Variants in IGSF1 observed in about 807,000 individuals in gnomAD.
IGSF1 encodes immunoglobulin superfamily member 1, also known as immunoglobulin-like domain-containing protein 1.
IGSF1 carries 40 observed loss-of-function variants against 95.3 expected under a neutral mutation model. That is an observed-to-expected ratio of 0.42 (90% CI 0.33 to 0.55). IGSF1 has a LOEUF of 0.55. IGSF1 is among the 20% of genes least tolerant of loss of function. IGSF1 has a pLI of 0.10. For synonymous variants in IGSF1, 372 were observed against 382.9 expected (o/e 0.97, Z 0.33); for missense variants, 906 against 1,025.4 (o/e 0.88, Z 1.59).
At chrX:131,286,240 G>A (rs758593197) in intron 3 of IGSF1, among the ~76,000 whole-genome samples, 192 bp from the exon 4 acceptor site, 5 of 111,046 alleles carry the variant, frequency 4.5e-5, no homozygotes, top group Admixed American at 9.5e-5. Context: ...CAAATGAATT[G>A]GAGAATAAAG....
chrX:131,280,418 C>CG (rs1406293505), intron 9 of IGSF1, among the ~76,000 whole-genome samples: 1 of 111,033 alleles, frequency 9.0e-6, no homozygotes, highest in South Asian at 3.9e-4. Flanking sequence ...AGTTGCAGGG[C>CG]GGGGGGTACA....
chrX:131,279,451 G>T (rs2080525452), intron 9 of IGSF1, 110 bp from the exon 10 acceptor site: 1 of 599,780 alleles, frequency 1.7e-6, no homozygotes, highest in Non-Finnish European at 2.8e-6. Context: ...ATGGGGACTG[G>T]ATATGGCCAA....
Position 131,282,717 on chromosome X carries a change from GC to G in IGSF1, c.972del (p.Trp324CysfsTer16). On this transcript the variant is annotated frameshift_variant, in exon 7 of 20. Transcript: ENST00000361420. LOFTEE classifies it high-confidence loss of function. ...IWVTDTFPKT[W>X]LLARPSAVVQ... is the part of the protein sequence containing the mutation. ...ACCACAGCACTGGGCCGAGCAAGTA[GC>G]CAGGTCTTGGGGAAAGTGTCTAGGA... 8.3e-7 allele frequency: 1 copy of G among 1,206,762 alleles called. No homozygotes were observed.
At chrX:131,279,853 G>T (rs1463873319) in intron 9 of IGSF1, among the ~76,000 whole-genome samples, 1 of 111,820 alleles carries the variant, frequency 8.9e-6, no homozygotes, top group Non-Finnish European at 1.9e-5. Context: ...GGTTGCCTAG[G>T]CAGCTGTGAT....
At position 131,274,183 on chromosome X, in the gene IGSF1, C is replaced by A; in HGVS notation, c.3775G>T (p.Val1259Leu). Reference protein sequence around the residue: ...AAGPVAQECTVGNIVRSSLIV... With the variant: ...AAGPVAQECTLGNIVRSSLIV... ...AGGCTACTTCGGACAATGTTCCCTA[C>A]AGTGCACTCCTGAGCAACAGGCCCT... is the stretch of plus-strand genomic sequence containing the variant. The change falls in exon 19 of 20, where the codon GTA becomes TTA. Residue 1259 changes from valine to leucine, a missense_variant. By Grantham distance (32) the Val-to-Leu change is conservative. Transcript: ENST00000361420. 1 of 1,211,509 alleles carries A rather than the reference C, an allele frequency of 8.3e-7. No individual in the cohort carries two copies. The highest frequency in any genetic ancestry group is 1.1e-6 in the Non-Finnish European group (1 of 895,303).
At position 131,286,595 on chromosome X, in the gene IGSF1, T is replaced by C; in HGVS notation, c.70+10A>G. 2.5e-6 allele frequency: 3 copies of C among 1,204,224 alleles called. No homozygotes were observed. The highest frequency in any genetic ancestry group is 1.8e-5 in the South Asian group (1 of 55,794). ...GGGTCACTTGCCCCTCACCCCTTCC[T>C]TGTACTCACGAATGCAAAAGAGCAA... is the stretch of plus-strand genomic sequence containing the variant. On this transcript the variant is annotated intron_variant, in intron 2 of 19. Coordinates refer to ENST00000361420, the MANE Select transcript of IGSF1 (RefSeq NM_001555.5).
Position 131,281,695 on chromosome X carries a change from C to T in IGSF1, c.1496G>A (p.Ser499Asn), listed in dbSNP as rs1159295558. The T allele has an allele frequency of 4.6e-5, 56 of 1,209,182 alleles. No individual in the cohort carries two copies. The highest frequency in any genetic ancestry group is 6.1e-5 in the Non-Finnish European group (55 of 894,781). The part of the protein sequence containing the change: ...ETHPNIWSHR[S>N]EPLKLMGPAG... ...TGGCCCCATCAGCTTCAGGGGCTCA[C>T]TGCGATGTGACCAGATGTTAGGATG... Residue 499 changes from serine to asparagine, a missense_variant, in exon 8 of 20, where the codon AGT (serine) becomes AAT (asparagine). Physicochemically the swap from Ser to Asn is conservative, Grantham distance 46 (BLOSUM62 1). Coordinates refer to ENST00000361420, the MANE Select transcript of IGSF1 (RefSeq NM_001555.5).
At position 131,276,022 on chromosome X, in the gene IGSF1, A is replaced by G; in HGVS notation, c.2835T>C (p.Tyr945=). 2 of 1,209,806 alleles carry G rather than the reference A, an allele frequency of 1.7e-6. No individual in the cohort carries two copies. The highest frequency in any genetic ancestry group is 1.8e-5 in the South Asian group (1 of 56,750). The change falls in exon 15 of 20, where the codon TAT becomes TAC. Residue 945 remains tyrosine, a synonymous_variant. Coordinates refer to ENST00000361420, the MANE Select transcript of IGSF1 (RefSeq NM_001555.5). ...ACCCCCTGTTTGACATGGTTGTCTC[A>G]TAGTAGATACAGCTATAGTTCCCAG... is the stretch of plus-strand genomic sequence containing the variant. ...EDSGNYSCIY[Y]ETTMSNRGSY... is the part of the protein sequence containing the mutation.
Position 131,282,580 on chromosome X carries a change from G to C in IGSF1, c.1110C>G (p.Ser370Arg). 8.3e-7 allele frequency: 1 copy of C among 1,210,718 alleles called. No homozygotes were observed. The highest frequency in any genetic ancestry group is 1.8e-5 in the South Asian group (1 of 56,924). ...GGAAGAATGATGTGTTGTCATCGAT[G>C]CTGGTGGCATCCAAAAATTGAAGTG... Reference protein sequence around the residue: ...DKPLQFLDATSIDDNTSFFLN... With the variant: ...DKPLQFLDATRIDDNTSFFLN... The change falls in exon 7 of 20, where the codon AGC (serine) becomes AGG (arginine). Residue 370 changes from serine (S) to arginine (R), a missense_variant. Physicochemically the swap from Ser to Arg is moderately radical, Grantham distance 110 (BLOSUM62 -1). This residue lies in a region of IGSF1 where 442 missense variants were observed against 448.1 expected (regional missense o/e 0.99). Transcript: ENST00000361420.
At chrX:131,288,941 C>T (rs2080680485) in intron 1 of IGSF1, 1 of 234,091 alleles carries the variant, frequency 4.3e-6, no homozygotes, top group South Asian at 4.9e-5. Flanking sequence ...GGCGGGGTGC[C>T]GGGTACATGC....
chrX:131,279,231 C>A (rs376067122), intron 10 of IGSF1, 40 bp downstream of exon 10: 4 of 1,207,273 alleles, frequency 3.3e-6, no homozygotes, highest in East Asian at 3.0e-5. Context: ...GACTTCACCC[C>A]GGCCTTCTGC....
At chrX:131,283,549 G>A (rs2080592402) in intron 5 of IGSF1, among the ~76,000 whole-genome samples, 1 of 111,808 alleles carries the variant, frequency 8.9e-6, no homozygotes, top group Non-Finnish European at 1.9e-5. Context: ...TTAGGCCCCT[G>A]AAATGCCAAA....
Position 131,274,145 on chromosome X carries a change from A to G in IGSF1, c.3813T>C (p.Val1271=). 8.3e-7 allele frequency: 1 copy of G among 1,211,196 alleles called. No individual in the cohort carries two copies. Among genetic ancestry groups the G allele is most frequent in the Non-Finnish European group, 1.1e-6 (1 of 895,162 alleles). The change falls in exon 19 of 20, where the codon GTT becomes GTC. Residue 1271 remains valine, a synonymous_variant. Transcript: ENST00000361420. Reference sequence around the variant, plus strand: ...CTAGCACTACCCCCAAGGCTACAACAACCACCACGATTAGGCTACTTCGGA... The same window carrying G: ...CTAGCACTACCCCCAAGGCTACAACGACCACCACGATTAGGCTACTTCGGA... ...NIVRSSLIVV[V]VVALGVVLAI...
chrX:131,274,238 A>G (rs1204633277), intron 18 of IGSF1, 32 bp from the exon 19 acceptor site: 2 of 1,207,137 alleles, frequency 1.7e-6, no homozygotes, highest in African/African-American at 3.5e-5. Context: ...AACCGAGGCC[A>G]TGGAGATTAG....
At chrX:131,285,655 T>TACTA (rs1411760391) in intron 4 of IGSF1, 112 bp downstream of exon 4, 11 of 880,597 alleles carry the variant, frequency 1.2e-5, no homozygotes, top group Non-Finnish European at 1.4e-5. Context: ...GGCCCTTATT[T>TACTA]ACTAACTGTG....
chrX:131,273,551 AT>A lies in IGSF1; in HGVS notation c.*244del, dbSNP rs748961680. On this transcript the variant is annotated 3_prime_UTR_variant, in exon 20 of 20. Transcript: ENST00000361420. ...ATACTCTTTTTATTCAGAAGAATGC[AT>A]TTTTAATAGAATTTCATGCGCCAGT... 46 of 316,977 alleles carry A rather than the reference AT, an allele frequency of 1.5e-4. No homozygotes were observed. Among genetic ancestry groups the A allele is most frequent in the African/African-American group, 7.2e-4 (27 of 37,449 alleles). The allele number at this position is 316,977 out of a possible 1,213,427, so 26.1% of individuals were successfully genotyped here.
At chrX:131,281,378 G>C (rs2080556882) in intron 8 of IGSF1, 40 bp from the exon 9 acceptor site, 2 of 1,201,405 alleles carry the variant, frequency 1.7e-6, no homozygotes, top group Non-Finnish European at 2.3e-6. Context: ...CCTTGATGGG[G>C]ACAGGGGCAG....
intron 14 of IGSF1, 120 bp downstream of exon 14, chrX:131,276,819 G>A (rs897800666): frequency 5.2e-5 from 35 of 672,212 alleles, no homozygotes; most frequent in Admixed American, 3.2e-4. Context: ...TGGGCCAGCC[G>A]CTGTCCTAAG....
At chrX:131,285,053 G>A in intron 5 of IGSF1, 126 bp downstream of exon 5, 1 of 1,078,514 alleles carries the variant, frequency 9.3e-7, no homozygotes, top group Non-Finnish European at 1.2e-6. Flanking sequence ...TCAAACGACT[G>A]TAGCTCATGG....
Sources: gnomAD v4.1 joint callset for allele counts (sites outside exome capture counted in the v4.1 genomes callset) on GRCh38, gnomAD v4.1.1 for gene constraint, gnomAD v4.1.1 regional missense constraint, MANE v1.5 for transcripts, NCBI Gene and HGNC (gene_info 2026-07-23, HGNC 2026-07-21) for gene names.